The following NXN variants were observed in gnomAD, a reference collection of about 807,000 sequenced individuals.
NXN encodes the protein nucleoredoxin.
NXN carries 16 observed loss-of-function variants against 48.6 expected under a neutral mutation model. That is an observed-to-expected ratio of 0.33 (90% CI 0.22 to 0.50). NXN has a LOEUF of 0.50. NXN is among the 20% of genes least tolerant of loss of function. The pLI is 0.98. For missense variants in NXN, 492 were observed against 605.5 expected (o/e 0.81, Z 1.97); for synonymous variants, 281 against 269.6 (o/e 1.04, Z -0.41).
intron 1 of NXN, among the ~76,000 whole-genome samples, chr17:891,483 G>A (rs2068416132): frequency 6.6e-6 from 1 of 152,166 alleles, no homozygotes; most frequent in Non-Finnish European, 1.5e-5. Context: ...CATCACAAAA[G>A]CTAACCAGAG....
At chr17:962,005 C>T (rs571880627) in intron 1 of NXN, among the ~76,000 whole-genome samples, 2 of 151,548 alleles carry the variant, frequency 1.3e-5, no homozygotes, top group South Asian at 2.1e-4. Context: ...CGTGGTGGCG[C>T]GTGCCTGTAA....
At chr17:928,709 A>ATG (rs2068825069) in intron 1 of NXN, among the ~76,000 whole-genome samples, 1 of 152,030 alleles carries the variant, frequency 6.6e-6, no homozygotes, top group Admixed American at 6.6e-5. Flanking sequence ...GGTGGTGGGC[A>ATG]CCTGTAATCC....
At chr17:979,231 C>T in intron 1 of NXN, 88 bp downstream of exon 1, 6 of 463,028 alleles carry the variant, frequency 1.3e-5, no homozygotes, top group Non-Finnish European at 1.5e-5. Flanking sequence ...ACGGGGTTGG[C>T]GGAGGGCAGG....
chr17:918,785 T>C, intron 1 of NXN, among the ~76,000 whole-genome samples: 1 of 60,314 alleles, frequency 1.7e-5, no homozygotes, highest in African/African-American at 7.1e-5. Flanking sequence ...AGAGACTCAG[T>C]CTCAAAAAAA....
chr17:858,484 T>A (rs2068009014), intron 1 of NXN, among the ~76,000 whole-genome samples: 1 of 151,744 alleles, frequency 6.6e-6, no homozygotes, highest in Non-Finnish European at 1.5e-5. Context: ...TCTCAGCACT[T>A]TGGGAGGCTG....
At chr17:948,593 A>G (rs558334552) in intron 1 of NXN, among the ~76,000 whole-genome samples, 47 of 152,036 alleles carry the variant, frequency 3.1e-4, no homozygotes, top group African/African-American at 1.1e-3. Flanking sequence ...GAATGTTTAA[A>G]AGCTCCCGGG....
chr17:970,341 C>G (rs1429907781), intron 1 of NXN, among the ~76,000 whole-genome samples: 5 of 151,792 alleles, frequency 3.3e-5, no homozygotes, highest in Admixed American at 1.3e-4. Flanking sequence ...TCAATTTTGT[C>G]TCTGAACAAA....
At chr17:974,017 C>T (rs1043523815) in intron 1 of NXN, among the ~76,000 whole-genome samples, 5 of 151,904 alleles carry the variant, frequency 3.3e-5, no homozygotes, top group African/African-American at 9.6e-5. Flanking sequence ...ATCAAATCCC[C>T]TTGTATGCTT....
At chr17:979,283 G>A in intron 1 of NXN, 36 bp downstream of exon 1, 1 of 1,421,106 alleles carries the variant, frequency 7.0e-7, no homozygotes, top group Non-Finnish European at 9.2e-7. Context: ...CGGGCGTGGG[G>A]GGCGGGCAGG....
rs2144653689 is a variant in NXN, at chr17:825,752, A to G, written c.478+209T>C. ...TTTTGGCCCATGAATTAAAGCCCCT[A>G]GGAGGGACATTCTGATCCCTGTGAA... On this transcript the variant is annotated intron_variant, in intron 2 of 7. Coordinates refer to ENST00000336868, the MANE Select transcript of NXN (RefSeq NM_022463.5). The surrounding 1 kb of genome is among the most constrained non-coding windows in gnomAD (Gnocchi z 4.1). The G allele has an allele frequency of 1.9e-6, 1 of 532,284 alleles. No homozygotes were observed. The highest frequency in any genetic ancestry group is 3.3e-5 in the East Asian group (1 of 30,322). 33.0% of individuals were successfully genotyped at this position (532,284 alleles called of 1,614,324 possible). A position where few individuals can be genotyped will look rare whatever the true frequency, so the allele number is the denominator to read the frequency against.
intron 5 of NXN, among the ~76,000 whole-genome samples, chr17:812,823 AGT>A (rs1305305266): frequency 1.6e-5 from 2 of 122,024 alleles, no homozygotes; most frequent in Non-Finnish European, 3.5e-5. Flanking sequence ...TGTGTGTGCG[AGT>A]GTGCATGTGT....
At position 805,162 on chromosome 17, in the gene NXN, G is replaced by T; in HGVS notation, c.906C>A (p.Cys302Ter). The change falls in exon 6 of 8, where the codon TGC becomes TGA. Residue 302 changes from cysteine (C) to a stop codon, truncating the protein, a stop_gained. Coordinates refer to ENST00000336868, the MANE Select transcript of NXN (RefSeq NM_022463.5). LOFTEE classifies it high-confidence loss of function. ...GRVEVLNDED[C>*]REFPWHPKPV... ...GCTTGGGGTGCCAGGGGAACTCCCG[G>T]CAGTCCTCGTCGTTCAGCACCTCCA... The T allele has an allele frequency of 6.2e-7, 1 of 1,610,264 alleles. No individual in the cohort carries two copies. Among genetic ancestry groups the T allele is most frequent in the South Asian group, 1.1e-5 (1 of 90,356 alleles).
intron 1 of NXN, among the ~76,000 whole-genome samples, chr17:952,932 T>C (rs538953464): frequency 6.6e-6 from 1 of 152,238 alleles, no homozygotes; most frequent in Admixed American, 6.5e-5. Flanking sequence ...GACCCACTTC[T>C]CCGTCCTGGA....
At chr17:954,973 T>A (rs952943174) in intron 1 of NXN, among the ~76,000 whole-genome samples, 1 of 152,170 alleles carries the variant, frequency 6.6e-6, no homozygotes, top group Non-Finnish European at 1.5e-5. Context: ...CACTCGAGGC[T>A]TTCCACATAG....
chr17:916,508 A>T (rs549677096), intron 1 of NXN, among the ~76,000 whole-genome samples: 3 of 152,320 alleles, frequency 2.0e-5, no homozygotes, highest in Admixed American at 6.5e-5. Flanking sequence ...GAGATTTCAG[A>T]CAGTCCCTCC....
At chr17:817,718 G>C (rs1004111363) in intron 5 of NXN, among the ~76,000 whole-genome samples, 1 of 150,574 alleles carries the variant, frequency 6.6e-6, no homozygotes, top group Non-Finnish European at 1.5e-5. Context: ...CTCAGGCGCA[G>C]AACTTCTGGG....
intron 1 of NXN, among the ~76,000 whole-genome samples, chr17:918,563 C>A (rs2068713743): frequency 1.3e-5 from 2 of 152,202 alleles, no homozygotes; most frequent in Non-Finnish European, 2.9e-5. Flanking sequence ...GAGGCCGAGG[C>A]GGGCGGATCA....
chr17:973,931 G>A (rs1439098147), intron 1 of NXN, among the ~76,000 whole-genome samples: 10 of 151,752 alleles, frequency 6.6e-5, no homozygotes, highest in African/African-American at 1.7e-4. Context: ...CACCCACCTC[G>A]GCCTCCCAAA....
intron 4 of NXN, 139 bp from the exon 5 acceptor site, chr17:819,684 C>A: frequency 1.6e-6 from 1 of 614,302 alleles, no homozygotes; most frequent in Non-Finnish European, 2.8e-6. Context: ...AGGCAACAGG[C>A]TATGGGAGTG....
Sources: gnomAD v4.1 joint callset for allele counts (sites outside exome capture counted in the v4.1 genomes callset) on GRCh38, gnomAD v4.1.1 for gene constraint, Gnocchi (gnomAD v3.1) non-coding constraint, MANE v1.5 for transcripts, NCBI Gene and HGNC (gene_info 2026-07-23, HGNC 2026-07-21) for gene names.